Variants in NRXN1 observed in about 807,000 individuals in gnomAD.
NRXN1 encodes the protein neurexin-1.
Under a neutral mutation model 150.9 loss-of-function variants are expected in NRXN1, and 39 were observed. The ratio of observed to expected loss-of-function variants is 0.26; its 90% CI spans 0.20 to 0.34. The LOEUF (loss-of-function observed/expected upper bound fraction) is 0.34. Ranked by LOEUF, NRXN1 falls within the 10% of genes least tolerant of loss-of-function variation. NRXN1 has a pLI of 1.00. For missense variants in NRXN1, 1,815 were observed against 1,949.9 expected (o/e 0.93, Z 1.30); for synonymous variants, 924 against 757.0 (o/e 1.22, Z -3.62).
chr2:50,605,961 G>A (rs60216864), intron 8 of NRXN1, among the ~76,000 whole-genome samples: 1,740 of 151,962 alleles, frequency 0.011, 34 homozygotes, highest in African/African-American at 0.04. Flanking sequence ...AAATTATTCC[G>A]CCTTAAAAAA....
intron 17 of NRXN1, among the ~76,000 whole-genome samples, chr2:50,274,838 C>T (rs925566878): frequency 2.6e-5 from 4 of 152,042 alleles, no homozygotes; most frequent in Non-Finnish European, 2.9e-5. Context: ...AATAGAGTCT[C>T]GAAGCCTACA....
At chr2:50,629,198 T>C (rs1241884760) in intron 5 of NRXN1, among the ~76,000 whole-genome samples, 1 of 151,746 alleles carries the variant, frequency 6.6e-6, no homozygotes, top group Non-Finnish European at 1.5e-5. Flanking sequence ...GCATAAATTA[T>C]CTAAAACTTA....
At chr2:50,914,563 T>G (rs1412140792) in intron 5 of NRXN1, among the ~76,000 whole-genome samples, 1 of 151,606 alleles carries the variant, frequency 6.6e-6, no homozygotes, top group East Asian at 1.9e-4. Context: ...TGACCATCAG[T>G]GGTTGTGAAA....
At chr2:50,794,564 G>C (rs1180227827) in intron 5 of NRXN1, among the ~76,000 whole-genome samples, 1 of 151,950 alleles carries the variant, frequency 6.6e-6, no homozygotes, top group African/African-American at 2.4e-5. Context: ...AATCAAATCT[G>C]CATTGTAATT....
chr2:49,984,802 G>C (rs1007078480), intron 21 of NRXN1, among the ~76,000 whole-genome samples: 7 of 151,942 alleles, frequency 4.6e-5, no homozygotes, highest in Admixed American at 6.6e-5. Flanking sequence ...TAAGCATTCT[G>C]AAAGTTCAGA....
At chr2:50,561,087 G>T (rs1669006882) in intron 8 of NRXN1, among the ~76,000 whole-genome samples, 1 of 152,106 alleles carries the variant, frequency 6.6e-6, no homozygotes, top group South Asian at 2.1e-4. Context: ...TTAATCAGGG[G>T]AAGAAAAAGG....
intron 5 of NRXN1, among the ~76,000 whole-genome samples, chr2:50,772,909 C>G (rs1428747954): frequency 6.6e-6 from 1 of 152,008 alleles, no homozygotes; most frequent in Admixed American, 6.6e-5. Flanking sequence ...ACTCAATGCC[C>G]TACAAAGAGA....
intron 3 of NRXN1, chr2:50,923,335 C>A: frequency 4.1e-6 from 1 of 243,782 alleles, no homozygotes; most frequent in South Asian, 4.5e-5. Context: ...GCTGCAAATA[C>A]ACTAAAGCAA....
At chr2:50,318,515 A>C (rs1447300294) in intron 17 of NRXN1, among the ~76,000 whole-genome samples, 2 of 152,114 alleles carry the variant, frequency 1.3e-5, no homozygotes, top group African/African-American at 4.8e-5. Context: ...TTGTAAGAGC[A>C]AACACTCAAA....
chr2:50,681,805 A>G (rs908339878), intron 5 of NRXN1, among the ~76,000 whole-genome samples: 5 of 152,302 alleles, frequency 3.3e-5, no homozygotes, highest in African/African-American at 9.6e-5. Flanking sequence ...TAAATCAATA[A>G]TGTTTATACA....
At chr2:50,610,830 T>C (rs1026385998) in intron 8 of NRXN1, among the ~76,000 whole-genome samples, 1 of 149,074 alleles carries the variant, frequency 6.7e-6, no homozygotes, top group Admixed American at 6.8e-5. Context: ...TCTCGCTTTG[T>C]CATCCACGCT....
chr2:50,532,370 A>C (rs372629896), intron 10 of NRXN1, among the ~76,000 whole-genome samples: 50 of 83,052 alleles, frequency 6.0e-4, no homozygotes, highest in Admixed American at 2.0e-3. Flanking sequence ...AAAAAAAGAA[A>C]TATAGCTTAA....
chr2:50,738,885 G>T (rs925317970), intron 5 of NRXN1, among the ~76,000 whole-genome samples: 3 of 152,144 alleles, frequency 2.0e-5, no homozygotes, highest in African/African-American at 7.2e-5. Flanking sequence ...GCAACTGGAT[G>T]CATAGCAAGA....
At chr2:50,989,980 C>G (rs917397832) in intron 2 of NRXN1, among the ~76,000 whole-genome samples, 2 of 151,800 alleles carry the variant, frequency 1.3e-5, no homozygotes, top group African/African-American at 4.8e-5. Context: ...CTTGCCAGTA[C>G]TTGATATTGT....
intron 5 of NRXN1, among the ~76,000 whole-genome samples, chr2:50,802,283 G>A (rs546103128): frequency 4.6e-5 from 7 of 152,088 alleles, no homozygotes; most frequent in Non-Finnish European, 8.8e-5. Flanking sequence ...CCTGAGGTCA[G>A]GAGTTTAAGA....
chr2:50,871,408 A>T (rs2106099110), intron 5 of NRXN1, among the ~76,000 whole-genome samples: 1 of 152,022 alleles, frequency 6.6e-6, no homozygotes, highest in East Asian at 1.9e-4. Context: ...TTATTCAGAT[A>T]AGCAGGATCT....
intron 5 of NRXN1, among the ~76,000 whole-genome samples, chr2:50,772,530 G>A (rs1703137764): frequency 6.6e-6 from 1 of 151,858 alleles, no homozygotes; most frequent in African/African-American, 2.4e-5. Flanking sequence ...GTACAAAGGA[G>A]TTCAGGAGCT....
intron 17 of NRXN1, among the ~76,000 whole-genome samples, chr2:50,373,888 C>T (rs912539078): frequency 1.3e-5 from 2 of 151,818 alleles, no homozygotes; most frequent in Non-Finnish European, 2.9e-5. Flanking sequence ...GTATTTTAAA[C>T]GTTATCATTA....
intron 19 of NRXN1, among the ~76,000 whole-genome samples, chr2:50,079,621 T>C (rs1439375740): frequency 6.6e-6 from 1 of 152,100 alleles, no homozygotes; most frequent in Non-Finnish European, 1.5e-5. Context: ...TCTCCTAACT[T>C]CATTAGTTGT....
Sources: allele counts gnomAD v4.1 joint callset (sites outside exome capture counted in the v4.1 genomes callset), GRCh38; gene constraint gnomAD v4.1.1; transcripts MANE v1.5; gene names NCBI Gene and HGNC (gene_info 2026-07-23, HGNC 2026-07-21).